The following HDAC9 variants were observed in gnomAD, a reference collection of about 807,000 sequenced individuals.
HDAC9 encodes histone deacetylase 9.
Under a neutral mutation model 139.4 loss-of-function variants are expected in HDAC9, and 41 were observed. That is an observed-to-expected ratio of 0.29 (90% confidence interval 0.23 to 0.38). The LOEUF is 0.38. Among genes scored for constraint, HDAC9 ranks in the 10% least tolerant of loss-of-function variants. HDAC9 has a pLI of 1.00. For synonymous variants in HDAC9, 517 were observed against 476.2 expected, an observed-to-expected ratio of 1.09 and a Z score of -1.12; for missense variants, 1,147 against 1,297.0, an observed-to-expected ratio of 0.88 and a Z score of 1.78.
chr7:18,880,849 G>GC (rs960196124), intron 22 of HDAC9, among the ~76,000 whole-genome samples: 1 of 150,528 alleles, frequency 6.6e-6, no homozygotes, highest in Non-Finnish European at 1.5e-5. Context: ...TTGCCGGGGG[G>GC]GGGGGAACCA....
chr7:18,785,048 G>A (rs1328043117), intron 16 of HDAC9, among the ~76,000 whole-genome samples: 1 of 151,686 alleles, frequency 6.6e-6, no homozygotes, highest in Non-Finnish European at 1.5e-5. Flanking sequence ...TTTTGCCAAT[G>A]ATATTATATA....
intron 2 of HDAC9, chr7:18,543,694 G>C (rs374523581): frequency 2.6e-5 from 4 of 151,876 alleles, no homozygotes. Context: ...TCCTGCTCTC[G>C]TGGGGCCTGC....
At chr7:18,436,585 T>C (rs1356961749) in intron 1 of HDAC9, among the ~76,000 whole-genome samples, 1 of 152,248 alleles carries the variant, frequency 6.6e-6, no homozygotes, top group Non-Finnish European at 1.5e-5. Flanking sequence ...AAACATTTAA[T>C]TTAACGTCTT....
At chr7:18,440,517 T>C (rs1384310699) in intron 1 of HDAC9, among the ~76,000 whole-genome samples, 1 of 152,106 alleles carries the variant, frequency 6.6e-6, no homozygotes, top group Non-Finnish European at 1.5e-5. Flanking sequence ...TTAAATAGAC[T>C]AGAACTAATG....
intron 6 of HDAC9, among the ~76,000 whole-genome samples, chr7:18,625,198 T>C (rs1466937313): frequency 6.6e-6 from 1 of 152,174 alleles, no homozygotes; most frequent in East Asian, 1.9e-4. Context: ...AACTTCCAAG[T>C]ATAAAATTTA....
At chr7:18,391,297 A>C (rs1404214892) in intron 1 of HDAC9, among the ~76,000 whole-genome samples, 1 of 152,020 alleles carries the variant, frequency 6.6e-6, no homozygotes, top group Non-Finnish European at 1.5e-5. Flanking sequence ...AGGCAGGAGA[A>C]TCACTGGAAC....
rs1192072368 is a variant in HDAC9 at position 18,648,404 on chromosome 7, G to A, written c.1250-62G>A. 5.7e-6 allele frequency: 7 copies of A among 1,236,116 alleles called. No homozygotes were observed. In the East Asian group the frequency reaches 9.9e-5, roughly 17 times the overall value. The allele number at this position is 1,236,116 out of a possible 1,614,324, so 76.6% of individuals were successfully genotyped here. A position where few individuals can be genotyped will look rare whatever the true frequency, so the allele number is the denominator to read the frequency against. On this transcript the variant is annotated intron_variant, in intron 10 of 25. Coordinates refer to ENST00000686413, the MANE Select transcript of HDAC9 (RefSeq NM_178425.4). ...CTTATCTTTTCTTAAAATTGTGTGT[G>A]TGTGTATGTGTGTGTGTGTGTGTGT...
At position 18,838,900 on chromosome 7, in the gene HDAC9, A is replaced by G. The variant is rs113379012; in HGVS notation, c.2684+2903A>G. Reference sequence around the variant, plus strand: ...TTACTAGCCAAAATTTGTCACATATATTGCCTTCATGGTTTCTATTATGTG... The same window carrying G: ...TTACTAGCCAAAATTTGTCACATATGTTGCCTTCATGGTTTCTATTATGTG... On this transcript the variant is annotated intron_variant, in intron 21 of 25. Coordinates refer to ENST00000686413, the MANE Select transcript of HDAC9 (RefSeq NM_178425.4). Among the ~76,000 whole-genome samples the G allele has an allele frequency of 3.4e-3, 515 of 152,158 alleles. 1 individual carries two copies. The highest frequency in any genetic ancestry group is 0.011 in the South Asian group (55 of 4,826).
At chr7:18,666,995 CCCTT>C (rs1795046477) in intron 12 of HDAC9, 1 of 985,066 alleles carries the variant, frequency 1.0e-6, no homozygotes, top group African/African-American at 1.7e-5. Context: ...GGTAGTCTGC[CCCTT>C]CCTTCCTCTC....
intron 24 of HDAC9, among the ~76,000 whole-genome samples, chr7:18,963,210 TG>T (rs1332277882): frequency 6.6e-6 from 1 of 152,030 alleles, no homozygotes; most frequent in Non-Finnish European, 1.5e-5. Flanking sequence ...AACACAAAAA[TG>T]GGGAATATCT....
At chr7:18,414,396 T>C (rs1788854658) in intron 1 of HDAC9, among the ~76,000 whole-genome samples, 3 of 152,114 alleles carry the variant, frequency 2.0e-5, no homozygotes, top group Admixed American at 2.0e-4. Context: ...CCTTCCTTTT[T>C]TTTTTTTGCA....
At chr7:18,357,123 A>C (rs1183805699) in intron 1 of HDAC9, among the ~76,000 whole-genome samples, 2 of 152,134 alleles carry the variant, frequency 1.3e-5, no homozygotes, top group African/African-American at 4.8e-5. Context: ...ATCTTATAGA[A>C]TCTTATAGGA....
chr7:18,151,658 T>G (rs1049046439), intron 1 of HDAC9: 2 of 152,180 alleles, frequency 1.3e-5, no homozygotes, highest in Non-Finnish European at 2.9e-5. Flanking sequence ...GTACTATCAT[T>G]TTGTGTATAA....
At chr7:18,984,684 G>C (rs1054096842) in intron 25 of HDAC9, among the ~76,000 whole-genome samples, 1 of 152,134 alleles carries the variant, frequency 6.6e-6, no homozygotes, top group Non-Finnish European at 1.5e-5. Context: ...GGGAGAGAAA[G>C]AAGTCCAAAT....
intron 1 of HDAC9, among the ~76,000 whole-genome samples, chr7:18,159,539 C>T (rs1438437823): frequency 6.6e-6 from 1 of 151,886 alleles, no homozygotes; most frequent in African/African-American, 2.4e-5. Context: ...GTGGATCAGG[C>T]TGCTAATCTG....
rs1018390719 is a variant in HDAC9, at chr7:18,509,567, T to C, written c.22+13243T>C. The C allele has an allele frequency of 4.2e-5, 22 of 525,376 alleles. No individual in the cohort carries two copies. In the African/African-American group the frequency reaches 4.6e-4, roughly 11 times the overall value. The allele number at this position is 525,376 out of a possible 1,614,324, so 32.5% of individuals were successfully genotyped here. On this transcript the variant is annotated intron_variant, in intron 2 of 25. Transcript: ENST00000686413. ...GTTTATCTGTTTTTGTTGTTGTTGA[T>C]TTCTTAGTCTAAGAATTACCAGGTA... is the stretch of plus-strand genomic sequence containing the variant.
At chr7:18,191,072 T>C (rs1374501668) in intron 2 of HDAC9, among the ~76,000 whole-genome samples, 1 of 152,160 alleles carries the variant, frequency 6.6e-6, no homozygotes, top group African/African-American at 2.4e-5. Flanking sequence ...CAGTGGAAAA[T>C]TCATGTGTAA....
At chr7:18,153,870 C>T (rs1786973978) in intron 1 of HDAC9, among the ~76,000 whole-genome samples, 1 of 152,162 alleles carries the variant, frequency 6.6e-6, no homozygotes, top group African/African-American at 2.4e-5. Context: ...TGGGTATTTT[C>T]TGTTATCACT....
chr7:18,171,133 T>A (rs1788400718), intron 2 of HDAC9, among the ~76,000 whole-genome samples: 1 of 152,204 alleles, frequency 6.6e-6, no homozygotes, highest in African/African-American at 2.4e-5. Context: ...GAGCAGTGGT[T>A]TGTAGTTCTC....
Sources: gnomAD v4.1 joint callset for allele counts (sites outside exome capture counted in the v4.1 genomes callset) on GRCh38, gnomAD v4.1.1 for gene constraint, MANE v1.5 for transcripts, NCBI Gene and HGNC (gene_info 2026-07-23, HGNC 2026-07-21) for gene names.